The following KCNK2 variants were observed in gnomAD, a reference collection of about 807,000 sequenced individuals.
KCNK2 encodes potassium channel subfamily K member 2.
In KCNK2, 21 loss-of-function variants were observed where a neutral mutation model predicts 40.5. The ratio of observed to expected loss-of-function variants is 0.52; its 90% CI spans 0.37 to 0.75. The LOEUF is 0.75. Ranked by LOEUF, KCNK2 falls within the 30% of genes least tolerant of loss-of-function variation. KCNK2 has a pLI of 0.00. For synonymous variants in KCNK2, 191 were observed against 202.2 expected, an observed-to-expected ratio of 0.94 and a Z score of 0.47; for missense variants, 399 against 531.6, an observed-to-expected ratio of 0.75 and a Z score of 2.45.
At chr1:215,052,757 C>T (rs1382343767) in intron 1 of KCNK2, among the ~76,000 whole-genome samples, 1 of 152,080 alleles carries the variant, frequency 6.6e-6, no homozygotes. Context: ...AGGTTTGGGA[C>T]ATCAGCAATG....
intron 2 of KCNK2, among the ~76,000 whole-genome samples, chr1:215,112,290 C>G (rs1321420763): frequency 1.3e-5 from 2 of 150,800 alleles, no homozygotes; most frequent in African/African-American, 4.9e-5. Context: ...CTTGTGCAGG[C>G]CTAGGATGAT....
At chr1:215,080,230 C>T (rs573437466), upstream of KCNK2, among the ~76,000 whole-genome samples, 1 of 152,302 alleles carries the variant, frequency 6.6e-6, no homozygotes, top group East Asian at 1.9e-4. Context: ...CTATTAATCT[C>T]CCAGTCTAGT....
rs1558141672 is a variant in KCNK2 at position 215,210,044 on chromosome 1, ATATATATATAC to A, written c.963+14953_963+14963del. On this transcript the variant is annotated intron_variant, in intron 6 of 6. Coordinates refer to ENST00000444842, the MANE Select transcript of KCNK2 (RefSeq NM_001017425.3). Reference sequence around the variant, plus strand: ...ATATATATTATATATAATATATATAATATATATATACACACACTATACAAATACACTATAGA... The same window carrying A: ...ATATATATTATATATAATATATATAAACACACTATACAAATACACTATAGA... Among the ~76,000 whole-genome samples the A allele has an allele frequency of 3.6e-4, 42 of 118,070 alleles. 2 individuals carry two copies. Among genetic ancestry groups the A allele is most frequent in the African/African-American group, 1.3e-3 (41 of 30,558 alleles). 77.5% of individuals were successfully genotyped at this position (118,070 alleles called of 152,430 possible).
chr1:215,007,227 A>ATATATATATATATATATATATATATATG (rs1337347831), intron 1 of KCNK2, among the ~76,000 whole-genome samples: 1 of 95,772 alleles, frequency 1.0e-5, no homozygotes, highest in Non-Finnish European at 2.1e-5. Context: ...ATATATATAT[A>ATATATATATATATATATATATATATATG]GGCTCATTTC....
intron 1 of KCNK2, among the ~76,000 whole-genome samples, chr1:215,041,586 C>T (rs1436533631): frequency 6.6e-6 from 1 of 152,158 alleles, no homozygotes; most frequent in African/African-American, 2.4e-5. Flanking sequence ...GTAGTCAGAT[C>T]TTGATATTAG....
intron 1 of KCNK2, among the ~76,000 whole-genome samples, chr1:215,064,631 A>G (rs948872321): frequency 1.3e-5 from 2 of 152,066 alleles, no homozygotes; most frequent in African/African-American, 2.4e-5. Context: ...AACACAGAAA[A>G]CCATGGCTTG....
chr1:215,174,012 T>G (rs1003304670), intron 5 of KCNK2, among the ~76,000 whole-genome samples: 6 of 152,248 alleles, frequency 3.9e-5, no homozygotes, highest in African/African-American at 1.4e-4. Flanking sequence ...TTGTTGCCAT[T>G]GCTTTTGGTG....
At chr1:215,081,030 G>C (rs1659134949), upstream of KCNK2, among the ~76,000 whole-genome samples, 1 of 152,144 alleles carries the variant, frequency 6.6e-6, no homozygotes, top group Non-Finnish European at 1.5e-5. Flanking sequence ...TCTGCCTTAA[G>C]ACTGAAGCAT....
intron 3 of KCNK2, among the ~76,000 whole-genome samples, chr1:215,158,178 C>T (rs1663013895): frequency 6.6e-6 from 1 of 152,134 alleles, no homozygotes; most frequent in Admixed American, 6.5e-5. Context: ...CCTCATTCTT[C>T]CTCTCTTAGG....
intron 1 of KCNK2, among the ~76,000 whole-genome samples, chr1:215,046,873 G>A (rs1657789332): frequency 6.6e-6 from 1 of 152,090 alleles, no homozygotes; most frequent in South Asian, 2.1e-4. Context: ...CACTTTCAGT[G>A]TTAAGCTTGT....
chr1:215,020,000 G>A (rs931782433), intron 1 of KCNK2, among the ~76,000 whole-genome samples: 1 of 152,032 alleles, frequency 6.6e-6, no homozygotes, highest in African/African-American at 2.4e-5. Flanking sequence ...GAATAAACAA[G>A]ATAATTTATT....
At chr1:215,021,146 C>T (rs1175131299) in intron 1 of KCNK2, among the ~76,000 whole-genome samples, 5 of 152,110 alleles carry the variant, frequency 3.3e-5, no homozygotes, top group Non-Finnish European at 7.4e-5. Flanking sequence ...AATTATGCTT[C>T]AGGTAGTCAT....
intron 6 of KCNK2, among the ~76,000 whole-genome samples, chr1:215,205,453 G>T (rs894616854): frequency 6.6e-6 from 1 of 152,140 alleles, no homozygotes; most frequent in African/African-American, 2.4e-5. Flanking sequence ...GGCCAGACTG[G>T]TCTCAAACTC....
intron 1 of KCNK2, among the ~76,000 whole-genome samples, chr1:215,011,962 T>A (rs984775466): frequency 6.6e-6 from 1 of 152,076 alleles, no homozygotes; most frequent in African/African-American, 2.4e-5. Context: ...CTTCTTGTTG[T>A]TGTTGTGTGT....
chr1:215,090,575 A>G (rs1356978408), intron 2 of KCNK2, among the ~76,000 whole-genome samples: 2 of 152,200 alleles, frequency 1.3e-5, no homozygotes, highest in African/African-American at 4.8e-5. Context: ...TTTCCCATTT[A>G]AATGTGGCAA....
At chr1:215,146,100 A>G (rs1662400715) in intron 3 of KCNK2, among the ~76,000 whole-genome samples, 1 of 152,198 alleles carries the variant, frequency 6.6e-6, no homozygotes, top group Non-Finnish European at 1.5e-5. Flanking sequence ...GAAATCCAGA[A>G]TAGTTAAATA....
chr1:215,073,636 CCA>C (rs1658835400), intron 1 of KCNK2, among the ~76,000 whole-genome samples: 1 of 152,122 alleles, frequency 6.6e-6, no homozygotes, highest in Admixed American at 6.5e-5. Flanking sequence ...AGTGACTAAA[CCA>C]CAGAGAGAAA....
chr1:215,222,267 C>T (rs910237850), intron 6 of KCNK2, among the ~76,000 whole-genome samples: 1 of 104,162 alleles, frequency 9.6e-6, no homozygotes, highest in African/African-American at 4.1e-5. Flanking sequence ...ACAATGCAAT[C>T]GTGTAATTTG....
At chr1:215,175,577 G>A (rs1036634368) in intron 5 of KCNK2, among the ~76,000 whole-genome samples, 3 of 151,922 alleles carry the variant, frequency 2.0e-5, no homozygotes, top group Non-Finnish European at 2.9e-5. Flanking sequence ...GAGGTTTGGG[G>A]TAAGATTGAT....
Sources: allele counts gnomAD v4.1 joint callset (sites outside exome capture counted in the v4.1 genomes callset), GRCh38; gene constraint gnomAD v4.1.1; transcripts MANE v1.5; gene names NCBI Gene and HGNC (gene_info 2026-07-23, HGNC 2026-07-21).